The following SORCS2 variants were observed in gnomAD, a reference collection of about 807,000 sequenced individuals.
The protein encoded by SORCS2 is sortilin related VPS10 domain containing receptor 2.
A neutral mutation model predicts 141.6 loss-of-function variants in SORCS2; 100 were observed. The observed-to-expected ratio is 0.71, with a 90% confidence interval of 0.60 to 0.83. The LOEUF is 0.83. Among genes scored for constraint, SORCS2 ranks in the 40% least tolerant of loss-of-function variants. The probability of loss-of-function intolerance (pLI) is 0.00; values close to 1 mark genes in which losing one functional copy is unlikely to be tolerated. For missense variants in SORCS2, 1,646 were observed against 1,560.2 expected (o/e 1.05, Z -0.93); for synonymous variants, 789 against 676.9 (o/e 1.17, Z -2.57).
chr4:7,558,772 C>A (rs1281671924), intron 3 of SORCS2, among the ~76,000 whole-genome samples: 1 of 152,182 alleles, frequency 6.6e-6, no homozygotes, highest in Non-Finnish European at 1.5e-5. Flanking sequence ...CATACACCCC[C>A]TCAGGTTCAG....
intron 2 of SORCS2, among the ~76,000 whole-genome samples, chr4:7,524,001 G>A (rs2109515575): frequency 6.6e-6 from 1 of 152,328 alleles, no homozygotes; most frequent in African/African-American, 2.4e-5. Context: ...CTCCCCAGGG[G>A]ATTCAGGGAG....
At chr4:7,365,633 C>T (rs1013761867) in intron 1 of SORCS2, among the ~76,000 whole-genome samples, 9 of 152,174 alleles carry the variant, frequency 5.9e-5, no homozygotes, top group African/African-American at 9.7e-5. Flanking sequence ...AGACACCGCC[C>T]GCCTGCCCGC....
intron 5 of SORCS2, among the ~76,000 whole-genome samples, chr4:7,656,405 G>A (rs920754479): frequency 3.9e-5 from 6 of 152,328 alleles, no homozygotes; most frequent in South Asian, 2.1e-4. Context: ...TGGGCAGCAC[G>A]TGGAGGCTCT....
At chr4:7,633,435 G>T (rs991892110) in intron 3 of SORCS2, among the ~76,000 whole-genome samples, 8 of 152,086 alleles carry the variant, frequency 5.3e-5, no homozygotes, top group Admixed American at 4.6e-4. Flanking sequence ...GGCTCATCTG[G>T]GTGTCATCAC....
intron 2 of SORCS2, among the ~76,000 whole-genome samples, chr4:7,526,733 G>A (rs1443991808): frequency 6.6e-6 from 1 of 152,272 alleles, no homozygotes; most frequent in East Asian, 1.9e-4. Context: ...CTCAGCTGGG[G>A]GCGCTGACGG....
At chr4:7,469,122 GCT>G (rs1258045694) in intron 2 of SORCS2, among the ~76,000 whole-genome samples, 13 of 138,646 alleles carry the variant, frequency 9.4e-5, no homozygotes, top group African/African-American at 3.8e-4. Context: ...TGGTGATGGT[GCT>G]GATAGTGGTC....
chr4:7,481,783 T>C (rs1348748172), intron 2 of SORCS2, among the ~76,000 whole-genome samples: 1 of 152,104 alleles, frequency 6.6e-6, no homozygotes, highest in Non-Finnish European at 1.5e-5. Flanking sequence ...AAATGCTGGA[T>C]GCTGCCAGAA....
intron 3 of SORCS2, among the ~76,000 whole-genome samples, chr4:7,610,788 C>T (rs16840640): frequency 0.11 from 16,815 of 152,140 alleles, 1,129 homozygotes; most frequent in African/African-American, 0.19. Context: ...GTCAGCACTA[C>T]GATTGGTAAA....
At chr4:7,692,775 G>A (rs532536885) in intron 11 of SORCS2, among the ~76,000 whole-genome samples, 39 of 152,326 alleles carry the variant, frequency 2.6e-4, no homozygotes, top group African/African-American at 8.2e-4. Flanking sequence ...CTGCCAAGCC[G>A]ACACACAGGG....
chr4:7,503,158 A>C (rs1395592882), intron 2 of SORCS2, among the ~76,000 whole-genome samples: 1 of 152,192 alleles, frequency 6.6e-6, no homozygotes, highest in African/African-American at 2.4e-5. Flanking sequence ...TATATGTGTC[A>C]TCTTTCCAGA....
chr4:7,398,642 A>G (rs12500803), intron 2 of SORCS2, among the ~76,000 whole-genome samples: 4,968 of 152,310 alleles, frequency 0.033, 138 homozygotes, highest in Non-Finnish European at 0.046. Flanking sequence ...TAACATATTT[A>G]TATAGGTAGA....
At chr4:7,218,417 A>C (rs1411408003) in intron 1 of SORCS2, among the ~76,000 whole-genome samples, 1 of 152,214 alleles carries the variant, frequency 6.6e-6, no homozygotes, top group Admixed American at 6.5e-5. Flanking sequence ...TGGAAATTGC[A>C]TGAGGATTTT....
At chr4:7,570,796 G>A (rs890157268) in intron 3 of SORCS2, among the ~76,000 whole-genome samples, 11 of 152,172 alleles carry the variant, frequency 7.2e-5, no homozygotes, top group African/African-American at 1.9e-4. Context: ...ATCAGTGCCC[G>A]AAGCCAGGGT....
intron 1 of SORCS2, among the ~76,000 whole-genome samples, chr4:7,387,779 CACATAG>C (rs1240690230): frequency 1.7e-5 from 2 of 117,544 alleles, no homozygotes; most frequent in Non-Finnish European, 3.8e-5. Context: ...CATGCACACA[CACATAG>C]GTACATGCAT....
intron 2 of SORCS2, among the ~76,000 whole-genome samples, chr4:7,462,517 A>G (rs753276334): frequency 2.0e-5 from 3 of 152,078 alleles, no homozygotes; most frequent in Non-Finnish European, 4.4e-5. Flanking sequence ...TGTACTCCAG[A>G]GACGTTGGCT....
Position 7,648,547 on chromosome 4 carries a change from A to T in SORCS2, c.814-5587A>T, listed in dbSNP as rs1223091327. 6.6e-6 allele frequency among the ~76,000 whole-genome samples: 1 copy of T among 152,110 alleles called. No homozygotes were observed. The highest frequency in any genetic ancestry group is 1.5e-5 in the Non-Finnish European group (1 of 68,010). ...GCAACTGCTGGGAACAAAACAGACC[A>T]ACCCCTGCCCTCGTGGGGCCTCCTT... On this transcript the variant is annotated intron_variant, in intron 4 of 26. Transcript: ENST00000507866. The surrounding 1 kb of genome is among the most constrained non-coding windows in gnomAD (Gnocchi z 4.2).
intron 1 of SORCS2, among the ~76,000 whole-genome samples, chr4:7,372,395 C>T (rs79755463): frequency 0.11 from 17,020 of 152,140 alleles, 1,618 homozygotes; most frequent in East Asian, 0.56. Flanking sequence ...CAACCTCCGT[C>T]CCCTGGGTTT....
At chr4:7,331,593 A>C (rs964396450) in intron 1 of SORCS2, among the ~76,000 whole-genome samples, 1 of 152,080 alleles carries the variant, frequency 6.6e-6, no homozygotes, top group African/African-American at 2.4e-5. Flanking sequence ...GTGGGAGGGA[A>C]GGGCCTGTCT....
At chr4:7,515,061 C>T (rs1374661298) in intron 2 of SORCS2, among the ~76,000 whole-genome samples, 1 of 152,216 alleles carries the variant, frequency 6.6e-6, no homozygotes, top group African/African-American at 2.4e-5. Context: ...TGCCAGAGGC[C>T]TTCTGCTTCT....
Sources: gnomAD v4.1 joint callset for allele counts (sites outside exome capture counted in the v4.1 genomes callset) on GRCh38, gnomAD v4.1.1 for gene constraint, Gnocchi (gnomAD v3.1) non-coding constraint, MANE v1.5 for transcripts, NCBI Gene and HGNC (gene_info 2026-07-23, HGNC 2026-07-21) for gene names.